Variants in SLFN5 observed in about 807,000 individuals in gnomAD.
SLFN5 encodes the protein schlafen family member 5.
In SLFN5, 34 loss-of-function variants were observed where a neutral mutation model predicts 48.5. That is an observed-to-expected ratio of 0.70 (90% confidence interval 0.53 to 0.93). SLFN5 has a LOEUF of 0.93. SLFN5 is among the 40% of genes least tolerant of loss of function. SLFN5 has a pLI of 0.00. For missense variants in SLFN5, 1,006 were observed against 1,071.3 expected (o/e 0.94, Z 0.85); for synonymous variants, 387 against 396.2 (o/e 0.98, Z 0.28).
intron 3 of SLFN5, 59 bp downstream of exon 3, chr17:35,261,155 T>A: frequency 6.3e-7 from 1 of 1,580,088 alleles, no homozygotes; most frequent in East Asian, 2.3e-5. Context: ...TATAAAAAAT[T>A]GACTCCTACT....
chr17:35,261,772 T>G (rs974099451), intron 3 of SLFN5, among the ~76,000 whole-genome samples: 2 of 146,666 alleles, frequency 1.4e-5, no homozygotes, highest in African/African-American at 5.0e-5. Context: ...ACCTCCCGGG[T>G]TCAAGCAGTT....
At chr17:35,262,081 G>A (rs1009915454) in intron 3 of SLFN5, among the ~76,000 whole-genome samples, 7 of 151,950 alleles carry the variant, frequency 4.6e-5, no homozygotes, top group African/African-American at 1.7e-4. Context: ...TGTTCTTTAA[G>A]GATAAATTCC....
In SLFN5 at chr17:35,271,135, C is replaced by T. The variant is rs1047520111; in HGVS notation, c.*5247C>T. On this transcript the variant is annotated 3_prime_UTR_variant, in exon 5 of 5. Coordinates refer to ENST00000299977, the MANE Select transcript of SLFN5 (RefSeq NM_144975.4). Reference sequence around the variant, plus strand: ...AGACTTCTCTCCCCAAACTATCATTCAGAGTCGAGGGCAAAATAAATAGAT... The same window carrying T: ...AGACTTCTCTCCCCAAACTATCATTTAGAGTCGAGGGCAAAATAAATAGAT... The T allele has an allele frequency of 6.6e-6, 1 of 152,162 alleles. No homozygotes were observed. The highest frequency in any genetic ancestry group is 2.4e-5 in the African/African-American group (1 of 41,430). The allele number at this position is 152,162 out of a possible 1,614,324, so 9.4% of individuals were successfully genotyped here.
chr17:35,261,880 T>C (rs1904531202), intron 3 of SLFN5, among the ~76,000 whole-genome samples: 1 of 151,406 alleles, frequency 6.6e-6, no homozygotes, highest in East Asian at 2.0e-4. Flanking sequence ...GGTTTCACCA[T>C]GTTGGCCAGG....
At chr17:35,261,244 A>C in intron 3 of SLFN5, 148 bp downstream of exon 3, 1 of 858,858 alleles carries the variant, frequency 1.2e-6, no homozygotes, top group Non-Finnish European at 1.6e-6. Flanking sequence ...TTTAGTAGAA[A>C]GTGTATATGA....
chr17:35,243,774 C>A (rs2092424513), intron 1 of SLFN5, among the ~76,000 whole-genome samples: 1 of 152,154 alleles, frequency 6.6e-6, no homozygotes, highest in Non-Finnish European at 1.5e-5. Flanking sequence ...GTCCCGGGAG[C>A]CCGAGTTGTC....
intron 1 of SLFN5, among the ~76,000 whole-genome samples, chr17:35,246,084 G>A (rs2092429957): frequency 6.6e-6 from 1 of 152,076 alleles, no homozygotes. Context: ...TTTCCCTAAC[G>A]ACTAATGATG....
Position 35,269,592 on chromosome 17 carries a change from T to A in SLFN5, c.*3704T>A, listed in dbSNP as rs1904784172. The A allele has an allele frequency of 6.6e-6, 1 of 152,152 alleles. No homozygotes were observed. Among genetic ancestry groups the A allele is most frequent in the Admixed American group, 6.5e-5 (1 of 15,270 alleles). 9.4% of individuals were successfully genotyped at this position (152,152 alleles called of 1,614,324 possible). ...TTAGAAGGGAGAGGTGCCTGGGCAGTTACAAGGACCTAGGTAGCAGGGGTG... is the reference window on the plus strand; with the variant it reads ...TTAGAAGGGAGAGGTGCCTGGGCAGATACAAGGACCTAGGTAGCAGGGGTG... On this transcript the variant is annotated 3_prime_UTR_variant, in exon 5 of 5. Transcript: ENST00000299977.
Position 35,259,079 on chromosome 17 carries a change from C to T in SLFN5, c.389C>T (p.Ser130Phe). 6.2e-7 allele frequency: 1 copy of T among 1,614,186 alleles called. No homozygotes were observed. The highest frequency in any genetic ancestry group is 1.6e-4 in the Middle Eastern group (1 of 6,062). Residue 130 changes from serine (S) to phenylalanine (F), a missense_variant, in exon 2 of 5, where the codon TCT becomes TTT. Physicochemically the swap from Ser to Phe is radical, Grantham distance 155 (BLOSUM62 -2). Transcript: ENST00000299977. ...AGAACATCCACCGATGTCATGGATT[C>T]TCAGGAAGCTCTGGCATTCCTCAAA... ...RERTSTDVMD[S>F]QEALAFLKCR...
At position 35,256,987 on chromosome 17, in the gene SLFN5, T is replaced by C. The variant is rs142845790; in HGVS notation, c.-40-1664T>C. Among the ~76,000 whole-genome samples, 686 of 152,228 alleles carry C rather than the reference T, an allele frequency of 4.5e-3. 22 individuals are homozygous for C. In the East Asian group the frequency reaches 0.07, roughly 16 times the overall value. On this transcript the variant is annotated intron_variant, in intron 1 of 4. Coordinates refer to ENST00000299977, the MANE Select transcript of SLFN5 (RefSeq NM_144975.4). ...GATTCTCATAGGAACATGAACCCTA[T>C]TGTGAACTGTGCATGTGAGGGATCT...
rs549012700 is a variant in SLFN5, at chr17:35,266,177, TGCGC to T, written c.*296_*299del. ...GTGTGTGTGTGTGTGTGTGTGTGTGTGCGCGCGCGCACGTGCACATGTGTGTAGG... is the reference window on the plus strand; with the variant it reads ...GTGTGTGTGTGTGTGTGTGTGTGTGTGCGCGCACGTGCACATGTGTGTAGG... On this transcript the variant is annotated 3_prime_UTR_variant, in exon 5 of 5. Transcript: ENST00000299977. The T allele has an allele frequency of 5.9e-6, 1 of 170,412 alleles. No individual in the cohort carries two copies. Among genetic ancestry groups the T allele is most frequent in the Non-Finnish European group, 1.2e-5 (1 of 83,926 alleles). 10.6% of individuals were successfully genotyped at this position (170,412 alleles called of 1,614,324 possible).
At chr17:35,256,012 A>G (rs1247881860) in intron 1 of SLFN5, among the ~76,000 whole-genome samples, 2 of 152,220 alleles carry the variant, frequency 1.3e-5, no homozygotes, top group African/African-American at 2.4e-5. Context: ...TAATAGATGT[A>G]TTCTGTGGTT....
chr17:35,260,867 G>A (rs963341224), intron 2 of SLFN5, 104 bp from the exon 3 acceptor site: 74 of 1,400,792 alleles, frequency 5.3e-5, no homozygotes, highest in Admixed American at 1.5e-4. Context: ...TCTGTGGGCC[G>A]TGGCTTGAGT....
In SLFN5 at chr17:35,259,408, G is replaced by A; in HGVS notation, c.718G>A (p.Gly240Arg). Residue 240 changes from glycine to arginine, a missense_variant, in exon 2 of 5, where the codon GGA (glycine) becomes AGA (arginine). Transcript: ENST00000299977. ...GVHDETCQVI[G>R]CEKEKIDLTS... The stretch of plus-strand genomic sequence containing the variant: ...GCATGATGAGACTTGTCAAGTGATT[G>A]GATGTGAAAAAGAGAAAATAGACCT... 6.2e-7 allele frequency: 1 copy of A among 1,614,188 alleles called. No homozygotes were observed.
intron 3 of SLFN5, among the ~76,000 whole-genome samples, chr17:35,262,297 T>C (rs1904542939): frequency 6.6e-6 from 1 of 151,040 alleles, no homozygotes. Flanking sequence ...GGAGAATCGC[T>C]TGAACCCTGG....
intron 1 of SLFN5, among the ~76,000 whole-genome samples, chr17:35,246,447 C>T (rs1230320295): frequency 2.0e-5 from 3 of 152,266 alleles, no homozygotes; most frequent in Non-Finnish European, 2.9e-5. Context: ...CTGATGCTCT[C>T]GCTCCTCCTG....
Position 35,272,988 on chromosome 17 carries a change from G to A in SLFN5, c.*7100G>A, listed in dbSNP as rs1322498392. The A allele has an allele frequency of 2.6e-5, 4 of 152,236 alleles. No homozygotes were observed. The highest frequency in any genetic ancestry group is 9.6e-5 in the African/African-American group (4 of 41,538). The allele number at this position is 152,236 out of a possible 1,614,324, so 9.4% of individuals were successfully genotyped here. A position where few individuals can be genotyped will look rare whatever the true frequency, so the allele number is the denominator to read the frequency against. On this transcript the variant is annotated 3_prime_UTR_variant, in exon 5 of 5. Coordinates refer to ENST00000299977, the MANE Select transcript of SLFN5 (RefSeq NM_144975.4). ...TTATTCTACATATATATTCAAACGTGTGAAATACTTCTATACAGGTGATTG... is the reference window on the plus strand; with the variant it reads ...TTATTCTACATATATATTCAAACGTATGAAATACTTCTATACAGGTGATTG...
Position 35,266,185 on chromosome 17 carries a change from C to T in SLFN5, c.*297C>T, listed in dbSNP as rs1325014093. ...GTGTGTGTGTGTGTGTGTGCGCGCG[C>T]GCACGTGCACATGTGTGTAGGTAGA... On this transcript the variant is annotated 3_prime_UTR_variant, in exon 5 of 5. Coordinates refer to ENST00000299977, the MANE Select transcript of SLFN5 (RefSeq NM_144975.4). The T allele has an allele frequency of 1.1e-5, 2 of 189,434 alleles. No homozygotes were observed. The highest frequency in any genetic ancestry group is 2.2e-5 in the Non-Finnish European group (2 of 91,082). The allele number at this position is 189,434 out of a possible 1,614,324, so 11.7% of individuals were successfully genotyped here.
chr17:35,251,703 CTTTTTTTTT>C (rs34854448), intron 1 of SLFN5, among the ~76,000 whole-genome samples: 2 of 84,970 alleles, frequency 2.4e-5, no homozygotes, highest in Non-Finnish European at 4.4e-5. Flanking sequence ...GGCGCCCGGA[CTTTTTTTTT>C]TTTTTTTTTT....
Sources: allele counts gnomAD v4.1 joint callset (sites outside exome capture counted in the v4.1 genomes callset), GRCh38; gene constraint gnomAD v4.1.1; transcripts MANE v1.5; gene names NCBI Gene and HGNC (gene_info 2026-07-23, HGNC 2026-07-21).